The following PLAA variants were observed in gnomAD, a reference collection of about 807,000 sequenced individuals.
PLAA encodes the protein phospholipase A2 activating protein, also known as phospholipase A-2-activating protein.
In PLAA, 48 loss-of-function variants were observed where a neutral mutation model predicts 84.1. The observed-to-expected ratio is 0.57, with a 90% confidence interval of 0.45 to 0.73. The LOEUF (loss-of-function observed/expected upper bound fraction) is 0.73, where lower values mean the gene tolerates loss of function less well. Ranked by LOEUF, PLAA falls within the 30% of genes least tolerant of loss-of-function variation. PLAA has a pLI of 0.00. For synonymous variants in PLAA, 392 were observed against 336.6 expected (o/e 1.16, Z -1.80); for missense variants, 903 against 954.7 (o/e 0.95, Z 0.71).
At position 26,919,587 on chromosome 9, in the gene PLAA, G is replaced by T. The variant is rs1824688357; in HGVS notation, c.1198-58C>A. 6 of 905,546 alleles carry T rather than the reference G, an allele frequency of 6.6e-6. No homozygotes were observed. In the East Asian group the frequency reaches 7.3e-5, roughly 11 times the overall value. 56.1% of individuals were successfully genotyped at this position (905,546 alleles called of 1,614,324 possible). A position where few individuals can be genotyped will look rare whatever the true frequency, so the allele number is the denominator to read the frequency against. On this transcript the variant is annotated intron_variant, in intron 8 of 13. Coordinates refer to ENST00000397292, the MANE Select transcript of PLAA (RefSeq NM_001031689.3). ...TTATTATCTGTTCACATATATTAAT[G>T]ACATATACAACATAACACAGATGTG...
At chr9:26,928,793 A>G (rs1490291137) in intron 2 of PLAA, among the ~76,000 whole-genome samples, 1 of 152,258 alleles carries the variant, frequency 6.6e-6, no homozygotes, top group East Asian at 1.9e-4. Flanking sequence ...GGCTGCTTTC[A>G]TGACAGTGAC....
At chr9:26,934,405 G>A (rs1825287607) in intron 2 of PLAA, among the ~76,000 whole-genome samples, 1 of 149,778 alleles carries the variant, frequency 6.7e-6, no homozygotes, top group South Asian at 2.1e-4. Flanking sequence ...TTCATTGCAT[G>A]AAATAGTTAA....
rs943303309 is a variant in PLAA at position 26,934,478 on chromosome 9, T to A, written c.343+535A>T. On this transcript the variant is annotated intron_variant, in intron 2 of 13. Coordinates refer to ENST00000397292, the MANE Select transcript of PLAA (RefSeq NM_001031689.3). The stretch of plus-strand genomic sequence containing the variant: ...TCTTTTATTACTGAACACTTTACTT[T>A]TTTTTTTTTTTTTTTTTTTTGAGAC... Among the ~76,000 whole-genome samples the A allele has an allele frequency of 1.5e-3, 130 of 84,202 alleles. 1 individual carries two copies. In the Middle Eastern group the frequency reaches 0.025, roughly 16 times the overall value. The allele number at this position is 84,202 out of a possible 152,430, so 55.2% of individuals were successfully genotyped here. A position where few individuals can be genotyped will look rare whatever the true frequency, so the allele number is the denominator to read the frequency against.
intron 13 of PLAA, 73 bp from the exon 14 acceptor site, chr9:26,906,149 T>C (rs1824230810): frequency 3.0e-6 from 3 of 1,014,098 alleles, no homozygotes; most frequent in East Asian, 5.7e-5. Flanking sequence ...CTTTGAAGGA[T>C]TTTATTTTCC....
chr9:26,942,877 C>CAAAAAAA (rs34134451), intron 1 of PLAA, among the ~76,000 whole-genome samples: 50 of 51,304 alleles, frequency 9.7e-4, no homozygotes, highest in African/African-American at 1.4e-3. Context: ...AGACTCGTCT[C>CAAAAAAA]AAAAAAAAAA....
At chr9:26,926,347 A>G in intron 5 of PLAA, 46 bp downstream of exon 5, 1 of 1,296,590 alleles carries the variant, frequency 7.7e-7, no homozygotes, top group East Asian at 2.3e-5. Context: ...GGGATGGAAT[A>G]ATGCTCAATA....
At chr9:26,927,671 C>T (rs1243046063) in intron 4 of PLAA, among the ~76,000 whole-genome samples, 1 of 152,080 alleles carries the variant, frequency 6.6e-6, no homozygotes, top group Non-Finnish European at 1.5e-5. Context: ...GCTTGAAATT[C>T]GTTATAAACA....
At chr9:26,928,282 A>G (rs1406409170) in intron 3 of PLAA, 26 bp downstream of exon 3, 2 of 1,613,784 alleles carry the variant, frequency 1.2e-6, no homozygotes, top group East Asian at 2.2e-5. Context: ...ATTATTCTTT[A>G]GAATATTTAC....
intron 11 of PLAA, 33 bp downstream of exon 11, chr9:26,913,846 T>TAA: frequency 1.4e-6 from 2 of 1,462,482 alleles, no homozygotes; most frequent in Non-Finnish European, 1.9e-6. Flanking sequence ...TTTTAAAATC[T>TAA]AAAAAAAAGA....
chr9:26,947,128 G>A lies in PLAA; in HGVS notation c.-83C>T. 1 of 1,389,820 alleles carries A rather than the reference G, an allele frequency of 7.2e-7. No individual in the cohort carries two copies. The highest frequency in any genetic ancestry group is 2.9e-5 in the East Asian group (1 of 34,166). 86.1% of individuals were successfully genotyped at this position (1,389,820 alleles called of 1,614,324 possible). ...GCGACTCGGAGAGCGCCGGGCCGCG[G>A]CGGGAGAAGAGCCTGCAGGTAAGGG... On this transcript the variant is annotated 5_prime_UTR_variant, in exon 1 of 14. Coordinates refer to ENST00000397292, the MANE Select transcript of PLAA (RefSeq NM_001031689.3).
chr9:26,910,993 C>T (rs953126008), intron 11 of PLAA, among the ~76,000 whole-genome samples: 3 of 152,102 alleles, frequency 2.0e-5, no homozygotes, highest in African/African-American at 7.2e-5. Flanking sequence ...TCTTTTTCTG[C>T]ATCATCTTTA....
At position 26,930,974 on chromosome 9, in the gene PLAA, G is replaced by GA. The variant is rs748204207; in HGVS notation, c.344-2567dup. Among the ~76,000 whole-genome samples, 1,416 of 143,662 alleles carry GA rather than the reference G, an allele frequency of 9.9e-3. 13 individuals are homozygous for GA. The highest frequency in any genetic ancestry group is 0.015 in the Admixed American group (219 of 14,384). 94.2% of individuals were successfully genotyped at this position (143,662 alleles called of 152,430 possible). Reference sequence around the variant, plus strand: ...GATAAAATACCATTTCCCAGTAAAAGAAAAAAAAAAACAGGACTTCTTGGC... The same window carrying GA: ...GATAAAATACCATTTCCCAGTAAAAGAAAAAAAAAAAACAGGACTTCTTGGC... On this transcript the variant is annotated intron_variant, in intron 2 of 13. Transcript: ENST00000397292.
chr9:26,908,051 A>G, intron 12 of PLAA, 53 bp from the exon 13 acceptor site: 1 of 1,370,438 alleles, frequency 7.3e-7, no homozygotes, highest in Non-Finnish European at 1.0e-6. Context: ...TGGCCAGATA[A>G]TATATAAATG....
rs34448526 is a variant in PLAA, at chr9:26,938,554, TAA to T, written c.150-3350_150-3349del. Among the ~76,000 whole-genome samples, 100 of 114,588 alleles carry T rather than the reference TAA, an allele frequency of 8.7e-4. No individual in the cohort carries two copies. In the East Asian group the frequency reaches 0.014, roughly 16 times the overall value. 75.2% of individuals were successfully genotyped at this position (114,588 alleles called of 152,430 possible). On this transcript the variant is annotated intron_variant, in intron 1 of 13. Coordinates refer to ENST00000397292, the MANE Select transcript of PLAA (RefSeq NM_001031689.3). ...GCCAAAAGAGTAAGACACCATTTCTTAAAAAAAAAAAAAAAAAAAAAAATGGT... is the reference window on the plus strand; with the variant it reads ...GCCAAAAGAGTAAGACACCATTTCTTAAAAAAAAAAAAAAAAAAAAATGGT...
chr9:26,930,581 AT>A (rs35790139), intron 2 of PLAA, among the ~76,000 whole-genome samples: 36,356 of 138,950 alleles, frequency 0.26, 5,474 homozygotes, highest in East Asian at 0.65. Flanking sequence ...CATCACTGAG[AT>A]TTTTTTTTTT....
intron 1 of PLAA, among the ~76,000 whole-genome samples, chr9:26,944,717 T>C (rs190997208): frequency 3.9e-4 from 59 of 152,334 alleles, no homozygotes; most frequent in African/African-American, 1.4e-3. Context: ...CAGCAGGATA[T>C]GAGAGACTAA....
At chr9:26,941,928 G>A (rs566297965) in intron 1 of PLAA, among the ~76,000 whole-genome samples, 4 of 152,008 alleles carry the variant, frequency 2.6e-5, no homozygotes, top group Non-Finnish European at 5.9e-5. Context: ...CCCGCCAATG[G>A]CCTGGAACAA....
chr9:26,938,925 A>AC (rs1245667487), intron 1 of PLAA, among the ~76,000 whole-genome samples: 10 of 152,222 alleles, frequency 6.6e-5, no homozygotes, highest in African/African-American at 2.2e-4. Context: ...GACACCAACA[A>AC]CCAAAAGGGG....
chr9:26,917,211 G>C, intron 9 of PLAA, 46 bp from the exon 10 acceptor site: 2 of 1,516,294 alleles, frequency 1.3e-6, no homozygotes, highest in Non-Finnish European at 1.8e-6. Context: ...CCAAAGTTCT[G>C]AATTTTTCAA....
Sources: allele counts gnomAD v4.1 joint callset (sites outside exome capture counted in the v4.1 genomes callset), GRCh38; gene constraint gnomAD v4.1.1; transcripts MANE v1.5; gene names NCBI Gene and HGNC (gene_info 2026-07-23, HGNC 2026-07-21).